ITFG1: variants seen among roughly 807,000 people sequenced by gnomAD.
The protein encoded by ITFG1 is integrin alpha FG-GAP repeat containing 1.
In ITFG1, 34 loss-of-function variants were observed where a neutral mutation model predicts 81.8. That is an observed-to-expected ratio of 0.42 (90% CI 0.32 to 0.55). The LOEUF is 0.55. Among genes scored for constraint, ITFG1 ranks in the 20% least tolerant of loss-of-function variants. The pLI is 0.17. For missense variants in ITFG1, 672 were observed against 755.4 expected (o/e 0.89, Z 1.29); for synonymous variants, 285 against 270.6 (o/e 1.05, Z -0.52).
intron 8 of ITFG1, among the ~76,000 whole-genome samples, chr16:47,323,250 T>G (rs1486252742): frequency 2.0e-5 from 3 of 152,210 alleles, no homozygotes; most frequent in African/African-American, 7.2e-5. Context: ...AGTTGATATG[T>G]TAATGAATTC....
intron 6 of ITFG1, among the ~76,000 whole-genome samples, chr16:47,397,964 T>A (rs1968613511): frequency 6.6e-6 from 1 of 152,220 alleles, no homozygotes; most frequent in Admixed American, 6.5e-5. Context: ...ACTTGGAGCC[T>A]TATCAATAAT....
chr16:47,409,122 G>A (rs1039071571), intron 6 of ITFG1, among the ~76,000 whole-genome samples: 1 of 151,198 alleles, frequency 6.6e-6, no homozygotes, highest in Non-Finnish European at 1.5e-5. Flanking sequence ...TGTGGCCTAG[G>A]GGAAAATTAG....
intron 14 of ITFG1, 29 bp downstream of exon 14, chr16:47,218,839 T>C (rs374126693): frequency 9.3e-5 from 131 of 1,403,988 alleles, no homozygotes; most frequent in Non-Finnish European, 1.2e-4. Flanking sequence ...GAAGCTTTTA[T>C]ACATTATGGA....
intron 13 of ITFG1, among the ~76,000 whole-genome samples, chr16:47,235,130 C>T (rs546559191): frequency 1.3e-5 from 2 of 152,244 alleles, no homozygotes; most frequent in Admixed American, 6.5e-5. Context: ...AGTGCCAATA[C>T]GCAGAGCTAC....
At chr16:47,353,052 C>T (rs907746353) in intron 8 of ITFG1, among the ~76,000 whole-genome samples, 2 of 151,122 alleles carry the variant, frequency 1.3e-5, no homozygotes, top group Non-Finnish European at 2.9e-5. Flanking sequence ...CACACCGGGG[C>T]CTGTTGTGGG....
chr16:47,290,925 T>C (rs987924307), intron 10 of ITFG1, among the ~76,000 whole-genome samples: 1 of 152,232 alleles, frequency 6.6e-6, no homozygotes, highest in South Asian at 2.1e-4. Context: ...TCACAGTTTT[T>C]TGCAGCGACA....
chr16:47,407,111 A>T lies in ITFG1; in HGVS notation c.655+21693T>A, dbSNP rs564641872. On this transcript the variant is annotated intron_variant, in intron 6 of 17. Transcript: ENST00000320640. ...TTTATCCAAATGTAATGAAGAAGCC[A>T]CTGGAAGATTTTGGGAAGAGTCATT... Among the ~76,000 whole-genome samples, 7 of 152,344 alleles carry T rather than the reference A, an allele frequency of 4.6e-5. No homozygotes were observed. The South Asian group carries it at 1.4e-3, about 32-fold the overall frequency.
intron 6 of ITFG1, among the ~76,000 whole-genome samples, chr16:47,399,839 G>T (rs1299984437): frequency 6.6e-6 from 1 of 152,140 alleles, no homozygotes; most frequent in Non-Finnish European, 1.5e-5. Flanking sequence ...GGCAATCTCT[G>T]TCAGTGGGGT....
chr16:47,233,752 G>A (rs1965842183), intron 13 of ITFG1, among the ~76,000 whole-genome samples: 1 of 152,184 alleles, frequency 6.6e-6, no homozygotes, highest in Admixed American at 6.5e-5. Flanking sequence ...GAAGGTCACA[G>A]CCCAGGGACA....
At chr16:47,313,983 T>C (rs1049970121) in intron 8 of ITFG1, among the ~76,000 whole-genome samples, 160 bp from the exon 9 acceptor site, 1 of 152,212 alleles carries the variant, frequency 6.6e-6, no homozygotes, top group African/African-American at 2.4e-5. Flanking sequence ...TTTAAAAAAT[T>C]ACTCTGGCCC....
intron 13 of ITFG1, among the ~76,000 whole-genome samples, chr16:47,220,324 A>G (rs1965676391): frequency 6.6e-6 from 1 of 152,266 alleles, no homozygotes; most frequent in Non-Finnish European, 1.5e-5. Context: ...CGCGTTTTAC[A>G]CTGAGTTAAC....
chr16:47,275,713 A>T (rs1966391195), intron 10 of ITFG1, among the ~76,000 whole-genome samples: 1 of 152,116 alleles, frequency 6.6e-6, no homozygotes, highest in African/African-American at 2.4e-5. Context: ...GTATATTTTA[A>T]CTTGTGAGTG....
chr16:47,347,215 C>G (rs368961124), intron 8 of ITFG1, among the ~76,000 whole-genome samples: 1 of 152,220 alleles, frequency 6.6e-6, no homozygotes, highest in Non-Finnish European at 1.5e-5. Context: ...GTGGGTGCAG[C>G]GCACTGAGCG....
At chr16:47,206,887 C>G (rs924723327) in intron 14 of ITFG1, among the ~76,000 whole-genome samples, 1 of 152,208 alleles carries the variant, frequency 6.6e-6, no homozygotes, top group African/African-American at 2.4e-5. Context: ...AACTCAACTC[C>G]TAAGTTTTCT....
Position 47,375,905 on chromosome 16 carries a change from T to TA in ITFG1, c.690dup (p.Thr231TyrfsTer5). 1 of 1,607,842 alleles carries TA rather than the reference T, an allele frequency of 6.2e-7. No individual in the cohort carries two copies. The highest frequency in any genetic ancestry group is 8.5e-7 in the Non-Finnish European group (1 of 1,174,750). On this transcript the variant is annotated frameshift_variant, in exon 7 of 18. Transcript: ENST00000320640. LOFTEE classifies it high-confidence loss of function. The stretch of plus-strand genomic sequence containing the variant: ...TTTTCCCATATTTCAAACTGGAAGG[T>TA]ACTAGTGGTGGCATTCAATGTCGTC...
At chr16:47,332,774 G>A (rs1967652658) in intron 8 of ITFG1, among the ~76,000 whole-genome samples, 1 of 152,168 alleles carries the variant, frequency 6.6e-6, no homozygotes, top group South Asian at 2.1e-4. Flanking sequence ...GCTCTATTTA[G>A]GAATGGCCCA....
Position 47,379,837 on chromosome 16 carries a change from T to C in ITFG1, c.656-3897A>G, listed in dbSNP as rs190142342. On this transcript the variant is annotated intron_variant, in intron 6 of 17. Transcript: ENST00000320640. ...TTTTACTGCTGCTGTCTTGCAATAG[T>C]ATTCTGGTGGGAGGAAATACACTAG... Among the ~76,000 whole-genome samples, 40 of 152,070 alleles carry C rather than the reference T, an allele frequency of 2.6e-4. No individual in the cohort carries two copies. The East Asian group carries it at 2.7e-3, about 10-fold the overall frequency.
chr16:47,258,814 A>G (rs1054354169), intron 11 of ITFG1, 74 bp from the exon 12 acceptor site: 3 of 606,126 alleles, frequency 4.9e-6, no homozygotes, highest in Non-Finnish European at 8.4e-6. Flanking sequence ...ATTAAAATGC[A>G]TGGCATATTG....
chr16:47,251,038 T>G (rs998351421), intron 12 of ITFG1, among the ~76,000 whole-genome samples: 2 of 152,192 alleles, frequency 1.3e-5, no homozygotes, highest in African/African-American at 4.8e-5. Context: ...CCTATATAAC[T>G]GCACAGTGTT....
Sources: gnomAD v4.1 joint callset for allele counts (sites outside exome capture counted in the v4.1 genomes callset) on GRCh38, gnomAD v4.1.1 for gene constraint, MANE v1.5 for transcripts, NCBI Gene and HGNC (gene_info 2026-07-23, HGNC 2026-07-21) for gene names.